Variants in RUFY1 observed in about 807,000 individuals in gnomAD.
The protein encoded by RUFY1 is RUN and FYVE domain-containing protein 1.
In RUFY1, 54 loss-of-function variants were observed where a neutral mutation model predicts 94.6. The ratio of observed to expected loss-of-function variants is 0.57; its 90% CI spans 0.46 to 0.72. The LOEUF is 0.72. Ranked by LOEUF, RUFY1 falls within the 30% of genes least tolerant of loss-of-function variation. The pLI is 0.00. For synonymous variants in RUFY1, 396 were observed against 347.3 expected (o/e 1.14, Z -1.56); for missense variants, 883 against 883.9 (o/e 1.00, Z 0.01).
intron 8 of RUFY1, 183 bp from the exon 9 acceptor site, chr5:179,589,363 C>G: frequency 1.8e-6 from 1 of 562,362 alleles, no homozygotes. Flanking sequence ...AGAGATTTTA[C>G]TACATACATT....
chr5:179,595,252 G>A (rs1473079802), intron 12 of RUFY1, among the ~76,000 whole-genome samples: 4 of 152,152 alleles, frequency 2.6e-5, no homozygotes, highest in Non-Finnish European at 5.9e-5. Flanking sequence ...GGCCGAGGCG[G>A]GCGGATCACG....
chr5:179,595,013 C>A, intron 12 of RUFY1, 50 bp downstream of exon 12: 3 of 1,333,310 alleles, frequency 2.3e-6, no homozygotes, highest in East Asian at 2.4e-5. Context: ...TGAGCATTCC[C>A]TGGGCCTGGA....
chr5:179,584,704 G>A (rs143245223), intron 7 of RUFY1, among the ~76,000 whole-genome samples: 1,750 of 152,198 alleles, frequency 0.011, 52 homozygotes, highest in African/African-American at 0.04. Flanking sequence ...TGAGGCTACA[G>A]TGAGCCATGA....
chr5:179,601,873 G>C lies in RUFY1; in HGVS notation c.1762-19G>C. On this transcript the variant is annotated intron_variant, in intron 14 of 17. Transcript: ENST00000319449. ...CGTGTAATCCTCTGTCCAGCATCTG[G>C]TTGGTTTGTTCATTTTAGGAGTTGC... 1 of 1,499,978 alleles carries C rather than the reference G, an allele frequency of 6.7e-7. No individual in the cohort carries two copies. Among genetic ancestry groups the C allele is most frequent in the Non-Finnish European group, 9.3e-7 (1 of 1,077,662 alleles). 92.9% of individuals were successfully genotyped at this position (1,499,978 alleles called of 1,614,324 possible).
At chr5:179,559,118 G>T (rs1027441895) in intron 1 of RUFY1, among the ~76,000 whole-genome samples, 1 of 152,128 alleles carries the variant, frequency 6.6e-6, no homozygotes, top group Admixed American at 6.6e-5. Context: ...GCGCGCGCCC[G>T]GGTGAGGGCC....
rs1765674639 is a variant in RUFY1, at chr5:179,596,660, T to C, written c.1610T>C (p.Leu537Pro). 2 of 1,605,890 alleles carry C rather than the reference T, an allele frequency of 1.2e-6. No individual in the cohort carries two copies. Among genetic ancestry groups the C allele is most frequent in the Non-Finnish European group, 1.7e-6 (2 of 1,177,154 alleles). ...GGRIGALQLQLSQLHEQCSSL... is the reference protein window; with the variant it reads ...GGRIGALQLQPSQLHEQCSSL... ...AGGATCGGCGCCCTGCAGCTGCAGC[T>C]CTCCCAGCTGCACGAGCAATGGTAG... The change falls in exon 13 of 18, where the codon CTC (leucine) becomes CCC (proline). Residue 537 changes from leucine (L) to proline (P), a missense_variant. Transcript: ENST00000319449.
At chr5:179,582,063 A>G (rs1286282757) in intron 7 of RUFY1, among the ~76,000 whole-genome samples, 1 of 152,118 alleles carries the variant, frequency 6.6e-6, no homozygotes, top group Non-Finnish European at 1.5e-5. Flanking sequence ...GAGAGTATTT[A>G]TAAGAAATAG....
At chr5:179,603,259 C>A (rs1390627836) in intron 15 of RUFY1, among the ~76,000 whole-genome samples, 1 of 69,794 alleles carries the variant, frequency 1.4e-5, no homozygotes, top group Non-Finnish European at 3.1e-5. Flanking sequence ...AAGTGAGAAT[C>A]CATCTCAAAA....
At chr5:179,583,809 GCA>G (rs1189378624) in intron 7 of RUFY1, among the ~76,000 whole-genome samples, 1 of 151,042 alleles carries the variant, frequency 6.6e-6, no homozygotes, top group Non-Finnish European at 1.5e-5. Context: ...GAGTGCAGTG[GCA>G]TGATCTCCGC....
intron 6 of RUFY1, among the ~76,000 whole-genome samples, chr5:179,578,269 A>C (rs1389967298): frequency 6.6e-6 from 1 of 152,142 alleles, no homozygotes; most frequent in East Asian, 1.9e-4. Flanking sequence ...GCTGGAGTGC[A>C]GTGGTGCAAT....
chr5:179,600,473 A>G (rs536000065), intron 14 of RUFY1, among the ~76,000 whole-genome samples: 1 of 152,236 alleles, frequency 6.6e-6, no homozygotes, highest in African/African-American at 2.4e-5. Flanking sequence ...CACCCCCTTC[A>G]TCATCCTTGA....
At chr5:179,592,549 G>C (rs55741920) in intron 10 of RUFY1, among the ~76,000 whole-genome samples, 43,024 of 152,080 alleles carry the variant, frequency 0.28, 7,461 homozygotes, top group Non-Finnish European at 0.4. Flanking sequence ...ACTGCGCCTG[G>C]CCATTTTATA....
chr5:179,597,248 T>G (rs573525843), intron 13 of RUFY1, among the ~76,000 whole-genome samples: 16 of 152,076 alleles, frequency 1.1e-4, no homozygotes, highest in Middle Eastern at 3.4e-3. Flanking sequence ...GTTTTGTTTT[T>G]TTTTTGAGAC....
intron 6 of RUFY1, among the ~76,000 whole-genome samples, chr5:179,578,753 C>T (rs1763858022): frequency 6.6e-6 from 1 of 152,028 alleles, no homozygotes; most frequent in Non-Finnish European, 1.5e-5. Context: ...AAGCGATTCT[C>T]CTGCCTCAAC....
At chr5:179,584,592 GGTGACATA>G (rs1486081611) in intron 7 of RUFY1, among the ~76,000 whole-genome samples, 1 of 151,676 alleles carries the variant, frequency 6.6e-6, no homozygotes, top group Non-Finnish European at 1.5e-5. Flanking sequence ...GATCAGTCTG[GGTGACATA>G]GTGAAACCTC....
At chr5:179,577,834 C>T (rs1389089685) in intron 6 of RUFY1, among the ~76,000 whole-genome samples, 1 of 127,158 alleles carries the variant, frequency 7.9e-6, no homozygotes, top group Non-Finnish European at 1.6e-5. Context: ...GCCTGCCGAA[C>T]GGGTAATGAG....
intron 9 of RUFY1, among the ~76,000 whole-genome samples, chr5:179,590,337 G>A (rs1226345792): frequency 2.0e-5 from 3 of 150,344 alleles, no homozygotes; most frequent in Admixed American, 6.6e-5. Flanking sequence ...CTGGGCCATA[G>A]AGCAAGACTC....
intron 14 of RUFY1, chr5:179,599,460 C>G (rs1766082723): frequency 6.6e-6 from 1 of 152,520 alleles, no homozygotes; most frequent in Admixed American, 6.5e-5. Flanking sequence ...AGACCGACCC[C>G]AGCCCTCCAC....
rs11957012 is a variant in RUFY1, at chr5:179,580,667, G to A, written c.891-280G>A. Among the ~76,000 whole-genome samples the A allele has an allele frequency of 5.2e-3, 786 of 151,860 alleles. 11 individuals carry two copies. The highest frequency in any genetic ancestry group is 0.018 in the African/African-American group (745 of 41,412). On this transcript the variant is annotated intron_variant, in intron 6 of 17. Coordinates refer to ENST00000319449, the MANE Select transcript of RUFY1 (RefSeq NM_025158.5). ...ATAAGGGTTGTGTCGAGCCATTTGCGTGTGGCAAGTTGGTGTTTTCACCTT... is the reference window on the plus strand; with the variant it reads ...ATAAGGGTTGTGTCGAGCCATTTGCATGTGGCAAGTTGGTGTTTTCACCTT...
Sources: allele counts gnomAD v4.1 joint callset (sites outside exome capture counted in the v4.1 genomes callset), GRCh38; gene constraint gnomAD v4.1.1; transcripts MANE v1.5; gene names NCBI Gene and HGNC (gene_info 2026-07-23, HGNC 2026-07-21).